Variants in FAM193A observed in about 807,000 individuals in gnomAD.
FAM193A encodes the protein protein FAM193A.
FAM193A carries 22 observed loss-of-function variants against 126.5 expected under a neutral mutation model. The ratio of observed to expected loss-of-function variants is 0.17; its 90% CI spans 0.12 to 0.25. The LOEUF (loss-of-function observed/expected upper bound fraction) is 0.25, where lower values mean the gene tolerates loss of function less well. Among genes scored for constraint, FAM193A ranks in the 10% least tolerant of loss-of-function variants. The pLI, the probability that FAM193A is intolerant of heterozygous loss-of-function variation, is 1.00. For synonymous variants in FAM193A, 761 were observed against 646.8 expected (o/e 1.18, Z -2.68); for missense variants, 1,675 against 1,672.8 (o/e 1.00, Z -0.02).
intron 10 of FAM193A, among the ~76,000 whole-genome samples, chr4:2,661,829 T>G (rs1577158921): frequency 6.6e-6 from 1 of 152,182 alleles, no homozygotes; most frequent in Admixed American, 6.5e-5. Context: ...GCCAGCTCTT[T>G]TAATGCACCA....
chr4:2,558,446 G>A (rs1353117017), intron 1 of FAM193A, among the ~76,000 whole-genome samples: 1 of 152,120 alleles, frequency 6.6e-6, no homozygotes, highest in Non-Finnish European at 1.5e-5. Flanking sequence ...CAATTCCGCC[G>A]TCATAGCTCA....
intron 12 of FAM193A, among the ~76,000 whole-genome samples, chr4:2,670,245 A>G (rs1316652107): frequency 6.6e-6 from 1 of 151,988 alleles, no homozygotes; most frequent in Non-Finnish European, 1.5e-5. Flanking sequence ...TGGTTTAGCT[A>G]TTGTACTCTT....
intron 19 of FAM193A, among the ~76,000 whole-genome samples, chr4:2,709,130 C>A (rs1217445373): frequency 6.6e-6 from 1 of 152,066 alleles, no homozygotes; most frequent in East Asian, 1.9e-4. Flanking sequence ...GGGTGTTAAA[C>A]TTCAAAGGTT....
Position 2,622,257 on chromosome 4 carries a change from C to CAAAAAAAAA in FAM193A, c.502-2987_502-2979dup, listed in dbSNP as rs71178493. 4.1e-3 allele frequency among the ~76,000 whole-genome samples: 226 copies of CAAAAAAAAA among 55,574 alleles called. 7 individuals carry two copies. Among genetic ancestry groups the CAAAAAAAAA allele is most frequent in the African/African-American group, 0.014 (212 of 14,784 alleles). The allele number at this position is 55,574 out of a possible 152,430, so 36.5% of individuals were successfully genotyped here. A position where few individuals can be genotyped will look rare whatever the true frequency, so the allele number is the denominator to read the frequency against. On this transcript the variant is annotated intron_variant, in intron 2 of 20. Coordinates refer to ENST00000637812, the MANE Select transcript of FAM193A (RefSeq NM_001366318.2). ...GGGTGATAGAGCGAGACCCTGTCTC[C>CAAAAAAAAA]AAAAAAAAAAAAAAAAAAAAAAAAA...
At chr4:2,663,033 A>C (rs749750670) in intron 11 of FAM193A, 42 bp downstream of exon 11, 68 of 1,598,416 alleles carry the variant, frequency 4.3e-5, no homozygotes, top group Non-Finnish European at 5.7e-5. Flanking sequence ...AATGACATAA[A>C]ATGATGGTCT....
chr4:2,562,413 G>T (rs1017106977), intron 1 of FAM193A, among the ~76,000 whole-genome samples: 1 of 152,056 alleles, frequency 6.6e-6, no homozygotes, highest in Admixed American at 6.6e-5. Context: ...TGGCACCACT[G>T]CACTACAGCA....
At chr4:2,620,704 C>G (rs189798501) in intron 2 of FAM193A, among the ~76,000 whole-genome samples, 1 of 135,888 alleles carries the variant, frequency 7.4e-6, no homozygotes, top group East Asian at 2.1e-4. Context: ...CAAAAATTAG[C>G]CAGGGGTGGT....
chr4:2,656,454 C>A (rs1351410463), intron 7 of FAM193A, among the ~76,000 whole-genome samples: 1 of 152,198 alleles, frequency 6.6e-6, no homozygotes, highest in Non-Finnish European at 1.5e-5. Context: ...AAACTCACAC[C>A]TGCAGGGCTA....
At chr4:2,635,595 A>T (rs1314880209) in intron 5 of FAM193A, among the ~76,000 whole-genome samples, 2 of 152,138 alleles carry the variant, frequency 1.3e-5, no homozygotes, top group Non-Finnish European at 2.9e-5. Flanking sequence ...TGCAGTGGTG[A>T]GATCTTGGCT....
intron 1 of FAM193A, among the ~76,000 whole-genome samples, chr4:2,550,792 T>G (rs1202763511): frequency 7.7e-5 from 7 of 90,634 alleles, no homozygotes; most frequent in African/African-American, 3.0e-4. Context: ...TATTTATTTA[T>G]TTATTTATTT....
Position 2,662,911 on chromosome 4 carries a change from G to A in FAM193A, c.1819G>A (p.Asp607Asn), listed in dbSNP as rs1028913038. 4.3e-6 allele frequency: 7 copies of A among 1,613,674 alleles called. No homozygotes were observed. In the African/African-American group the frequency reaches 9.3e-5, roughly 22 times the overall value. The change falls in exon 11 of 21, where the codon GAT (aspartate) becomes AAT (asparagine). Residue 607 changes from aspartate (D) to asparagine (N), a missense_variant. Physicochemically the swap from Asp to Asn is conservative, Grantham distance 23 (BLOSUM62 1). Coordinates refer to ENST00000637812, the MANE Select transcript of FAM193A (RefSeq NM_001366318.2). ...ADIYPLSNYD[D>N]TEVVANMNGI... Reference sequence around the variant, plus strand: ...TATTTATCCATTGAGTAATTATGATGATACCGAGGTGGTGGCCAACATGAA... The same window carrying A: ...TATTTATCCATTGAGTAATTATGATAATACCGAGGTGGTGGCCAACATGAA...
intron 1 of FAM193A, among the ~76,000 whole-genome samples, chr4:2,552,638 T>C (rs372107658): frequency 1.3e-5 from 2 of 150,994 alleles, no homozygotes; most frequent in African/African-American, 4.9e-5. Flanking sequence ...CCTGGGTTCA[T>C]GCCATTCTCC....
At chr4:2,697,756 G>C (rs1288440443) in intron 18 of FAM193A, among the ~76,000 whole-genome samples, 3 of 152,178 alleles carry the variant, frequency 2.0e-5, no homozygotes, top group Admixed American at 6.5e-5. Flanking sequence ...GGGAGGCTTT[G>C]GGGGAGAAGC....
chr4:2,681,678 G>T (rs1715143176), intron 13 of FAM193A, among the ~76,000 whole-genome samples: 1 of 151,858 alleles, frequency 6.6e-6, no homozygotes, highest in Non-Finnish European at 1.5e-5. Flanking sequence ...TGCCCAGGTT[G>T]GTCTCAAACT....
intron 1 of FAM193A, among the ~76,000 whole-genome samples, chr4:2,567,901 A>C (rs1464771670): frequency 6.6e-6 from 1 of 151,968 alleles, no homozygotes; most frequent in African/African-American, 2.4e-5. Context: ...CCTTTCTTCC[A>C]TTACCCTGTG....
chr4:2,541,605 C>T (rs547532503), intron 1 of FAM193A, among the ~76,000 whole-genome samples: 43 of 150,780 alleles, frequency 2.9e-4, no homozygotes, highest in Non-Finnish European at 5.8e-4. Flanking sequence ...GCCACCACGC[C>T]CAGCTAATTT....
intron 17 of FAM193A, 113 bp downstream of exon 17, chr4:2,695,242 T>G: frequency 1.2e-6 from 1 of 837,132 alleles, no homozygotes. Context: ...CTAGGGTATA[T>G]CCATTGTAAA....
At chr4:2,583,986 A>C (rs538374681) in intron 1 of FAM193A, among the ~76,000 whole-genome samples, 3 of 152,038 alleles carry the variant, frequency 2.0e-5, no homozygotes, top group African/African-American at 7.2e-5. Context: ...CAGTTTACCA[A>C]TTTTTTTAAT....
chr4:2,613,425 C>G (rs1193002990), intron 2 of FAM193A, among the ~76,000 whole-genome samples: 2 of 133,770 alleles, frequency 1.5e-5, no homozygotes, highest in East Asian at 4.3e-4. Flanking sequence ...TGTAAAAACT[C>G]ATTTATTAGT....
Sources: gnomAD v4.1 joint callset for allele counts (sites outside exome capture counted in the v4.1 genomes callset) on GRCh38, gnomAD v4.1.1 for gene constraint, MANE v1.5 for transcripts, NCBI Gene and HGNC (gene_info 2026-07-23, HGNC 2026-07-21) for gene names.